Variants in BROX observed in about 807,000 individuals in gnomAD.
BROX encodes BRO1 domain and CAAX motif containing, also known as BRO1 domain-containing protein BROX.
A neutral mutation model predicts 61.0 loss-of-function variants in BROX; 53 were observed. The observed-to-expected ratio is 0.87, with a 90% confidence interval of 0.70 to 1.09. The LOEUF is 1.09. BROX is among the 50% of genes least tolerant of loss of function. BROX has a pLI of 0.00. For synonymous variants in BROX, 152 were observed against 160.2 expected, an observed-to-expected ratio of 0.95 and a Z score of 0.38; for missense variants, 489 against 472.0, an observed-to-expected ratio of 1.04 and a Z score of -0.33.
chr1:222,714,473 C>T (rs1175328001), intron 1 of BROX, among the ~76,000 whole-genome samples: 1 of 151,234 alleles, frequency 6.6e-6, no homozygotes, highest in African/African-American at 2.4e-5. Context: ...GCTGGGATTA[C>T]AGGCGTGAGC....
chr1:222,713,577 TC>T, intron 1 of BROX: 1 of 417,610 alleles, frequency 2.4e-6, no homozygotes, highest in Non-Finnish European at 3.2e-6. Flanking sequence ...CGTTCTTCTA[TC>T]CCACCCTAGG....
chr1:222,734,119 A>T lies in BROX; in HGVS notation c.*1405A>T, dbSNP rs1366349793. ...AGTTTAGTAATTTGGGAAATAGTGGATGCATAATACTTTAACAGAAGTCAC... is the reference window on the plus strand; with the variant it reads ...AGTTTAGTAATTTGGGAAATAGTGGTTGCATAATACTTTAACAGAAGTCAC... On this transcript the variant is annotated 3_prime_UTR_variant, in exon 13 of 13. Transcript: ENST00000340934. 4 of 152,212 alleles carry T rather than the reference A, an allele frequency of 2.6e-5. No homozygotes were observed. Among genetic ancestry groups the T allele is most frequent in the Admixed American group, 1.3e-4 (2 of 15,282 alleles). 9.4% of individuals were successfully genotyped at this position (152,212 alleles called of 1,614,324 possible). A position where few individuals can be genotyped will look rare whatever the true frequency, so the allele number is the denominator to read the frequency against.
Position 222,712,815 on chromosome 1 carries a change from G to T in BROX, c.-144G>T, listed in dbSNP as rs1038517958. 7.8e-7 allele frequency: 1 copy of T among 1,288,476 alleles called. No individual in the cohort carries two copies. The highest frequency in any genetic ancestry group is 1.0e-6 in the Non-Finnish European group (1 of 988,440). 79.8% of individuals were successfully genotyped at this position (1,288,476 alleles called of 1,614,324 possible). A position where few individuals can be genotyped will look rare whatever the true frequency, so the allele number is the denominator to read the frequency against. On this transcript the variant is annotated 5_prime_UTR_variant, in exon 1 of 13. Coordinates refer to ENST00000340934, the MANE Select transcript of BROX (RefSeq NM_144695.4). ...GGTCACGTGACTCCGGCTTGGCGCC[G>T]TCCTGGTTTTCCGTCACCCTGGTTC...
At chr1:222,716,215 C>T (rs1357112342) in intron 2 of BROX, among the ~76,000 whole-genome samples, 3 of 152,152 alleles carry the variant, frequency 2.0e-5, no homozygotes, top group East Asian at 1.9e-4. Context: ...TCTTTTGCCT[C>T]AGCCTCCCGA....
In BROX at chr1:222,733,100, G is replaced by GTTTTTTT. The variant is rs1658073254; in HGVS notation, c.*386_*387insTTTTTTT. ...TCTTTTTTTTTTTTTTTTTTTTTGA[G>GTTTTTTT]GTGGAGTCTCCCTCTGTTGCCCAGG... On this transcript the variant is annotated 3_prime_UTR_variant, in exon 13 of 13. Coordinates refer to ENST00000340934, the MANE Select transcript of BROX (RefSeq NM_144695.4). 1 of 75,838 alleles carries GTTTTTTT rather than the reference G, an allele frequency of 1.3e-5. No individual in the cohort carries two copies. The highest frequency in any genetic ancestry group is 5.5e-5 in the African/African-American group (1 of 18,084). The allele number at this position is 75,838 out of a possible 1,614,324, so 4.7% of individuals were successfully genotyped here.
chr1:222,729,957 T>TA, intron 10 of BROX, 70 bp from the exon 11 acceptor site: 1 of 1,448,786 alleles, frequency 6.9e-7, no homozygotes, highest in Non-Finnish European at 9.4e-7. Flanking sequence ...ACCTCCAGTT[T>TA]AAAGCCTTGT....
intron 1 of BROX, among the ~76,000 whole-genome samples, chr1:222,714,162 T>C (rs996409817): frequency 3.3e-5 from 5 of 152,088 alleles, no homozygotes; most frequent in Admixed American, 2.0e-4. Flanking sequence ...TTTCTCCTTA[T>C]TATCTGCTGC....
intron 1 of BROX, among the ~76,000 whole-genome samples, chr1:222,714,864 G>A (rs1487008407): frequency 6.6e-6 from 1 of 152,138 alleles, no homozygotes; most frequent in African/African-American, 2.4e-5. Flanking sequence ...ACAGGCATGA[G>A]CCACCATGCC....
At position 222,735,166 on chromosome 1, in the gene BROX, A is replaced by AG. The variant is rs1289715919; in HGVS notation, c.*2452_*2453insG. 1 of 152,262 alleles carries AG rather than the reference A, an allele frequency of 6.6e-6. No homozygotes were observed. The highest frequency in any genetic ancestry group is 1.5e-5 in the Non-Finnish European group (1 of 68,046). The allele number at this position is 152,262 out of a possible 1,614,324, so 9.4% of individuals were successfully genotyped here. A position where few individuals can be genotyped will look rare whatever the true frequency, so the allele number is the denominator to read the frequency against. Reference sequence around the variant, plus strand: ...ATGGGTTGTCTTTTTATTTATGAAAATAAAAGTAATTTTACTTACAATTTC... The same window carrying AG: ...ATGGGTTGTCTTTTTATTTATGAAAAGTAAAAGTAATTTTACTTACAATTTC... On this transcript the variant is annotated 3_prime_UTR_variant, in exon 13 of 13. Coordinates refer to ENST00000340934, the MANE Select transcript of BROX (RefSeq NM_144695.4).
Position 222,728,594 on chromosome 1 carries a change from A to G in BROX, c.671-149A>G. The stretch of plus-strand genomic sequence containing the variant: ...CTTAAAGTATAGATTTGGTAAAATC[A>G]AGTAAAGGTGTTTTTAAAAAAAAAT... On this transcript the variant is annotated intron_variant, in intron 8 of 12. Coordinates refer to ENST00000340934, the MANE Select transcript of BROX (RefSeq NM_144695.4). 1.0e-5 allele frequency: 5 copies of G among 476,600 alleles called. No individual in the cohort carries two copies. The South Asian group carries it at 1.2e-4, about 12-fold the overall frequency. 29.5% of individuals were successfully genotyped at this position (476,600 alleles called of 1,614,324 possible). A position where few individuals can be genotyped will look rare whatever the true frequency, so the allele number is the denominator to read the frequency against.
At chr1:222,717,174 A>T (rs2125000386) in intron 2 of BROX, among the ~76,000 whole-genome samples, 1 of 152,298 alleles carries the variant, frequency 6.6e-6, no homozygotes, top group African/African-American at 2.4e-5. Context: ...TTCTTCGTTC[A>T]TTTTTACAAC....
Position 222,712,602 on chromosome 1 carries a change from C to T in BROX, c.-357C>T, listed in dbSNP as rs1656133148. The T allele has an allele frequency of 3.7e-6, 5 of 1,349,744 alleles. No homozygotes were observed. The East Asian group carries it at 1.4e-4, about 37-fold the overall frequency. The allele number at this position is 1,349,744 out of a possible 1,614,324, so 83.6% of individuals were successfully genotyped here. On this transcript the variant is annotated 5_prime_UTR_variant, in exon 1 of 13. Coordinates refer to ENST00000340934, the MANE Select transcript of BROX (RefSeq NM_144695.4). ...CCGCCATCGCTATTGCGGCATTCTC[C>T]CTCGGCTCCGGAGGTAGGGGCAACT...
rs1342091617 is a variant in BROX at position 222,733,174 on chromosome 1, G to A, written c.*460G>A. 7.3e-6 allele frequency: 1 copy of A among 137,084 alleles called. No homozygotes were observed. The highest frequency in any genetic ancestry group is 2.8e-5 in the African/African-American group (1 of 35,582). The allele number at this position is 137,084 out of a possible 1,614,324, so 8.5% of individuals were successfully genotyped here. ...GGCTCACTGCAACCCTCCACCTCCT[G>A]AATTAAAGTGATTCTCCTGCCTCAG... On this transcript the variant is annotated 3_prime_UTR_variant, in exon 13 of 13. Coordinates refer to ENST00000340934, the MANE Select transcript of BROX (RefSeq NM_144695.4).
At chr1:222,720,534 G>A (rs1026573886) in intron 4 of BROX, among the ~76,000 whole-genome samples, 2 of 152,032 alleles carry the variant, frequency 1.3e-5, no homozygotes. Flanking sequence ...AGCTAAAGCC[G>A]GGCACAGTGG....
At chr1:222,725,635 C>A in intron 7 of BROX, 80 bp downstream of exon 7, 2 of 1,188,236 alleles carry the variant, frequency 1.7e-6, no homozygotes, top group South Asian at 1.5e-5. Flanking sequence ...AGAAGTTGGG[C>A]ACTGTGGCTT....
In BROX at chr1:222,715,757, T is replaced by A. The variant is rs1284016505; in HGVS notation, c.58T>A (p.Tyr20Asn). 1 of 1,596,442 alleles carries A rather than the reference T, an allele frequency of 6.3e-7. No individual in the cohort carries two copies. The highest frequency in any genetic ancestry group is 8.5e-7 in the Non-Finnish European group (1 of 1,170,076). Residue 20 changes from tyrosine (Y) to asparagine (N), a missense_variant, in exon 2 of 13, where the codon TAC becomes AAC. Transcript: ENST00000340934. ...LKATAPVSFN[Y>N]YGVVTGPSAS... ...AGCCACAGCTCCTGTGTCTTTTAAT[T>A]ACTATGGTGTAGTCACTGGCCCTTC...
chr1:222,718,087 A>G (rs141043532), intron 2 of BROX: 7 of 152,316 alleles, frequency 4.6e-5, no homozygotes, highest in African/African-American at 1.7e-4. Flanking sequence ...TTGAAGCTAT[A>G]CTAATAGGTG....
chr1:222,725,582 T>A (rs774681719), intron 7 of BROX, 27 bp downstream of exon 7: 2 of 1,520,104 alleles, frequency 1.3e-6, no homozygotes, highest in Non-Finnish European at 1.8e-6. Flanking sequence ...AAGATTTTTT[T>A]AAATGAAAGT....
chr1:222,713,029 A>G (rs1247542377), intron 1 of BROX, 87 bp downstream of exon 1: 7 of 1,161,190 alleles, frequency 6.0e-6, no homozygotes, highest in Non-Finnish European at 7.6e-6. Context: ...CCCCTTTTAC[A>G]TTAGTCTCCA....
Sources: allele counts gnomAD v4.1 joint callset (sites outside exome capture counted in the v4.1 genomes callset), GRCh38; gene constraint gnomAD v4.1.1; transcripts MANE v1.5; gene names NCBI Gene and HGNC (gene_info 2026-07-23, HGNC 2026-07-21).